TMEFF2: variants seen among roughly 807,000 people sequenced by gnomAD.
The protein encoded by TMEFF2 is transmembrane protein with EGF like and two follistatin like domains 2.
In TMEFF2, 28 loss-of-function variants were observed where a neutral mutation model predicts 53.8. The ratio of observed to expected loss-of-function variants is 0.52; its 90% CI spans 0.39 to 0.71. TMEFF2 has a LOEUF of 0.71. Ranked by LOEUF, TMEFF2 falls within the 30% of genes least tolerant of loss-of-function variation. The pLI is 0.00. For missense variants in TMEFF2, 353 were observed against 455.2 expected (o/e 0.78, Z 2.04); for synonymous variants, 162 against 166.3 (o/e 0.97, Z 0.20).
At chr2:191,985,011 G>T (rs1685942970) in intron 7 of TMEFF2, among the ~76,000 whole-genome samples, 1 of 152,006 alleles carries the variant, frequency 6.6e-6, no homozygotes, top group South Asian at 2.1e-4. Flanking sequence ...ATTTTGTTAA[G>T]ATTAGATCAA....
intron 5 of TMEFF2, among the ~76,000 whole-genome samples, chr2:192,011,011 A>G (rs771753386): frequency 2.6e-5 from 4 of 152,212 alleles, no homozygotes; most frequent in Non-Finnish European, 5.9e-5. Context: ...CATTCACTCA[A>G]AAGCATTTTT....
intron 2 of TMEFF2, among the ~76,000 whole-genome samples, chr2:192,188,940 G>A (rs1691390157): frequency 6.6e-6 from 1 of 151,434 alleles, no homozygotes; most frequent in South Asian, 2.1e-4. Flanking sequence ...TAATACCTGG[G>A]TGATGAAATG....
intron 1 of TMEFF2, among the ~76,000 whole-genome samples, chr2:192,192,202 T>A (rs1418655468): frequency 6.6e-6 from 1 of 152,214 alleles, no homozygotes; most frequent in Non-Finnish European, 1.5e-5. Context: ...TAGTCAATTC[T>A]CCTTTAGTAT....
intron 7 of TMEFF2, 138 bp downstream of exon 7, chr2:191,998,124 G>T: frequency 1.6e-6 from 1 of 627,598 alleles, no homozygotes; most frequent in Non-Finnish European, 2.6e-6. Flanking sequence ...CCTAATGAAA[G>T]CTTGAACTAA....
At chr2:192,192,623 C>A (rs1691490953) in intron 1 of TMEFF2, among the ~76,000 whole-genome samples, 2 of 152,174 alleles carry the variant, frequency 1.3e-5, no homozygotes, top group South Asian at 4.1e-4. Flanking sequence ...CCAGTTTATT[C>A]TCTTTAGTTT....
chr2:192,010,476 G>T (rs1438746546), intron 5 of TMEFF2, among the ~76,000 whole-genome samples: 1 of 152,074 alleles, frequency 6.6e-6, no homozygotes, highest in African/African-American at 2.4e-5. Flanking sequence ...CCCCAGGTAA[G>T]GTCCTCTGGT....
chr2:192,077,164 G>C (rs923910085), intron 4 of TMEFF2, among the ~76,000 whole-genome samples: 3 of 152,144 alleles, frequency 2.0e-5, no homozygotes, highest in African/African-American at 4.8e-5. Flanking sequence ...AATAGCGGTT[G>C]AGAGTTTTAG....
At chr2:192,050,877 T>C (rs771886276) in intron 5 of TMEFF2, among the ~76,000 whole-genome samples, 7 of 152,236 alleles carry the variant, frequency 4.6e-5, no homozygotes, top group Non-Finnish European at 7.3e-5. Flanking sequence ...ACACCTTTGC[T>C]AAAAACTATC....
chr2:192,153,400 C>T (rs913629576), intron 4 of TMEFF2, among the ~76,000 whole-genome samples: 1 of 151,648 alleles, frequency 6.6e-6, no homozygotes, highest in African/African-American at 2.4e-5. Flanking sequence ...CATTTCATAC[C>T]TACCAATTTA....
At chr2:192,125,466 A>G (rs1689654652) in intron 4 of TMEFF2, among the ~76,000 whole-genome samples, 1 of 152,196 alleles carries the variant, frequency 6.6e-6, no homozygotes, top group South Asian at 2.1e-4. Flanking sequence ...TCTTTTTAAC[A>G]GATTGATTTT....
chr2:191,998,267 T>A lies in TMEFF2; in HGVS notation c.740A>T (p.Tyr247Phe). The A allele has an allele frequency of 6.3e-7, 1 of 1,599,028 alleles. No individual in the cohort carries two copies. Among genetic ancestry groups the A allele is most frequent in the South Asian group, 1.1e-5 (1 of 88,854 alleles). The change falls in exon 7 of 10, where the codon TAT becomes TTT. Residue 247 changes from tyrosine to phenylalanine, a missense_variant. By Grantham distance (22) the Tyr-to-Phe change is conservative (BLOSUM62 3). Around this residue, in one of 3 missense-constraint regions of TMEFF2, gnomAD observed 294 missense variants for 397.3 expected, o/e 0.74. Transcript: ENST00000272771. ...TAGAAGAAAATATTATGTACCTGCA[T>A]AATCTGTTCTTGCATAATGCCCATC... is the stretch of plus-strand genomic sequence containing the variant. ...SEDGHYARTD[Y>F]AENANKLEES...
intron 4 of TMEFF2, among the ~76,000 whole-genome samples, chr2:192,142,426 A>C (rs1690159400): frequency 6.6e-6 from 1 of 152,156 alleles, no homozygotes. Flanking sequence ...CTTTATAAAA[A>C]AGTTACACAA....
At chr2:192,145,583 T>C (rs905083784) in intron 4 of TMEFF2, among the ~76,000 whole-genome samples, 4 of 152,086 alleles carry the variant, frequency 2.6e-5, no homozygotes, top group Middle Eastern at 3.4e-3. Context: ...TCATCTTAAA[T>C]AATCTTTTGG....
intron 5 of TMEFF2, among the ~76,000 whole-genome samples, chr2:192,039,472 T>C (rs1687420296): frequency 6.6e-6 from 1 of 152,216 alleles, no homozygotes; most frequent in African/African-American, 2.4e-5. Flanking sequence ...AGGATATTTA[T>C]CATAAAACTT....
chr2:192,022,374 C>G (rs7568546), intron 5 of TMEFF2, among the ~76,000 whole-genome samples: 9,877 of 152,254 alleles, frequency 0.065, 475 homozygotes, highest in African/African-American at 0.13. Context: ...GACTCACATT[C>G]AACTTTTCTT....
At chr2:192,120,553 A>C (rs1243161092) in intron 4 of TMEFF2, among the ~76,000 whole-genome samples, 1 of 152,158 alleles carries the variant, frequency 6.6e-6, no homozygotes, top group Non-Finnish European at 1.5e-5. Context: ...CTGAAGAGAG[A>C]GCACCTTTGT....
At chr2:192,088,539 T>C (rs1294245677) in intron 4 of TMEFF2, among the ~76,000 whole-genome samples, 1 of 152,118 alleles carries the variant, frequency 6.6e-6, no homozygotes, top group South Asian at 2.1e-4. Flanking sequence ...ACTATAGCGA[T>C]GGTGTCAGCA....
chr2:192,117,619 A>G (rs561506983), intron 4 of TMEFF2, among the ~76,000 whole-genome samples: 219 of 152,216 alleles, frequency 1.4e-3, no homozygotes, highest in African/African-American at 4.9e-3. Flanking sequence ...CCAACTTTCC[A>G]TGCCCAAGTA....
At chr2:191,950,467 A>T (rs1418018364) in intron 9 of TMEFF2, 60 bp from the exon 10 acceptor site, 1 of 1,610,668 alleles carries the variant, frequency 6.2e-7, no homozygotes, top group Non-Finnish European at 8.5e-7. Flanking sequence ...GTTTGGCCCT[A>T]CAATCACAGA....
Sources: allele counts gnomAD v4.1 joint callset (sites outside exome capture counted in the v4.1 genomes callset), GRCh38; gene constraint gnomAD v4.1.1; regional missense constraint gnomAD v4.1.1; transcripts MANE v1.5; gene names NCBI Gene and HGNC (gene_info 2026-07-23, HGNC 2026-07-21).